Variants in TMEM184B observed in about 807,000 individuals in gnomAD.
TMEM184B encodes the protein transmembrane protein 184B.
In TMEM184B, 17 loss-of-function variants were observed where a neutral mutation model predicts 41.8. The observed-to-expected ratio is 0.41, with a 90% confidence interval of 0.28 to 0.61. The LOEUF is 0.61. Among genes scored for constraint, TMEM184B ranks in the 20% least tolerant of loss-of-function variants. The pLI is 0.34. For synonymous variants in TMEM184B, 240 were observed against 229.5 expected (o/e 1.05, Z -0.41); for missense variants, 393 against 557.8 (o/e 0.70, Z 2.98).
intron 1 of TMEM184B, among the ~76,000 whole-genome samples, chr22:38,251,894 C>T (rs796268129): frequency 1.5e-5 from 2 of 134,692 alleles, no homozygotes; most frequent in African/African-American, 7.1e-5. Context: ...CCAGATGATG[C>T]TGTTTTTTTT....
In TMEM184B at chr22:38,247,773, G is replaced by A. The variant is rs1417707771; in HGVS notation, c.189C>T (p.His63=). ...FVWTALLITC[H]QIYMHLRCYS... ...GCCCCTTGCCAGGCTTGGGTACCTG[G>A]TGGCATGTGATGAGCAGGGCCGTCC... is the stretch of plus-strand genomic sequence containing the variant. The change falls in exon 2 of 9, where the codon CAC becomes CAT. Residue 63 remains histidine, a synonymous_variant. Transcript: ENST00000361906. 6.2e-7 allele frequency: 1 copy of A among 1,610,972 alleles called. No individual in the cohort carries two copies.
chr22:38,272,729 G>A (rs2092544078), intron 1 of TMEM184B, 155 bp downstream of exon 1: 13 of 985,226 alleles, frequency 1.3e-5, no homozygotes, highest in South Asian at 4.7e-5. Flanking sequence ...TCCCTCCGCG[G>A]CCGCACCGGC....
intron 3 of TMEM184B, among the ~76,000 whole-genome samples, chr22:38,232,733 A>G (rs2267376): frequency 0.33 from 49,487 of 151,894 alleles, 8,226 homozygotes; most frequent in Admixed American, 0.38. Flanking sequence ...TGATCTTTCA[A>G]TGGGTGACCT....
At chr22:38,245,514 G>A (rs1394698316) in intron 3 of TMEM184B, among the ~76,000 whole-genome samples, 2 of 146,964 alleles carry the variant, frequency 1.4e-5, no homozygotes, top group Non-Finnish European at 3.0e-5. Context: ...TGTCTGAGAC[G>A]CCAGCACTAA....
chr22:38,237,588 G>A (rs1053766473), intron 3 of TMEM184B, among the ~76,000 whole-genome samples: 4 of 152,230 alleles, frequency 2.6e-5, no homozygotes, highest in African/African-American at 9.7e-5. Flanking sequence ...GGATGAGCCT[G>A]GAAAAGTTAA....
chr22:38,240,192 A>G (rs1017473607), intron 3 of TMEM184B, among the ~76,000 whole-genome samples: 7 of 152,178 alleles, frequency 4.6e-5, no homozygotes, highest in Non-Finnish European at 1.0e-4. Context: ...AACAGAAGAA[A>G]GGAATTCAAG....
chr22:38,239,786 C>T lies in TMEM184B; in HGVS notation c.358+6149G>A, dbSNP rs2091863460. 6.6e-6 allele frequency among the ~76,000 whole-genome samples: 1 copy of T among 152,156 alleles called. No individual in the cohort carries two copies. ...CTGCCACGCTGTACCAGTCACTCAG[C>T]CTGTGCAGTGTTTTGAGGCAGGAGA... On this transcript the variant is annotated intron_variant, in intron 3 of 8. Transcript: ENST00000361906. The surrounding 1 kb of genome is among the most constrained non-coding windows in gnomAD (Gnocchi z 4.6).
intron 1 of TMEM184B, among the ~76,000 whole-genome samples, chr22:38,257,922 A>G (rs770106444): frequency 2.0e-5 from 3 of 152,140 alleles, no homozygotes; most frequent in Admixed American, 6.6e-5. Flanking sequence ...CTCCTCTGCA[A>G]TCTCTCTGCC....
Position 38,226,925 on chromosome 22 carries a change from C to T in TMEM184B, c.526-55G>A. On this transcript the variant is annotated intron_variant, in intron 5 of 8. Transcript: ENST00000361906. This position sits in a 1 kb window ranked among gnomAD's most constrained non-coding sequence, Gnocchi z 4.6. ...GAGGAGGAGCACAGAAGGCATGAAGCAAGCCCTGCCTCTGGCAGACGGAAC... is the reference window on the plus strand; with the variant it reads ...GAGGAGGAGCACAGAAGGCATGAAGTAAGCCCTGCCTCTGGCAGACGGAAC... 1.3e-6 allele frequency: 2 copies of T among 1,521,274 alleles called. No homozygotes were observed. The highest frequency in any genetic ancestry group is 1.8e-6 in the Non-Finnish European group (2 of 1,119,870). The allele number at this position is 1,521,274 out of a possible 1,614,324, so 94.2% of individuals were successfully genotyped here.
chr22:38,245,910 C>CAA, intron 3 of TMEM184B, 25 bp downstream of exon 3: 1 of 1,568,194 alleles, frequency 6.4e-7, no homozygotes, highest in Non-Finnish European at 8.7e-7. Flanking sequence ...CCCGCCAGCC[C>CAA]TCCCCACTCC....
At chr22:38,246,224 TCA>T in intron 2 of TMEM184B, 124 bp from the exon 3 acceptor site, 1 of 1,206,948 alleles carries the variant, frequency 8.3e-7, no homozygotes, top group African/African-American at 1.5e-5. Context: ...CCCCTGAGCC[TCA>T]GAGCCCTGCT....
Position 38,266,037 on chromosome 22 carries a change from G to A in TMEM184B, c.-59+6847C>T, listed in dbSNP as rs150000083. Reference sequence around the variant, plus strand: ...GTACCAAGCTCCACACACGTCCCTTGGAGTAGGGGGGCTGTCTGATCTGAA... The same window carrying A: ...GTACCAAGCTCCACACACGTCCCTTAGAGTAGGGGGGCTGTCTGATCTGAA... On this transcript the variant is annotated intron_variant, in intron 1 of 8. Coordinates refer to ENST00000361906, the MANE Select transcript of TMEM184B (RefSeq NM_012264.5). Among the ~76,000 whole-genome samples, 151 of 152,322 alleles carry A rather than the reference G, an allele frequency of 9.9e-4. 2 individuals carry two copies. The highest frequency in any genetic ancestry group is 3.5e-3 in the African/African-American group (144 of 41,564).
At position 38,239,828 on chromosome 22, in the gene TMEM184B, A is replaced by G. The variant is rs1335779646; in HGVS notation, c.358+6107T>C. On this transcript the variant is annotated intron_variant, in intron 3 of 8. Transcript: ENST00000361906. The surrounding 1 kb of genome is among the most constrained non-coding windows in gnomAD (Gnocchi z 4.6). ...GGCAGGAGATGAAAAATTATTCTCTACAGAAACAGGTCCCAGAATTTAAAA... is the reference window on the plus strand; with the variant it reads ...GGCAGGAGATGAAAAATTATTCTCTGCAGAAACAGGTCCCAGAATTTAAAA... 6.6e-6 allele frequency among the ~76,000 whole-genome samples: 1 copy of G among 152,196 alleles called. No individual in the cohort carries two copies. Among genetic ancestry groups the G allele is most frequent in the Non-Finnish European group, 1.5e-5 (1 of 68,030 alleles).
chr22:38,269,506 G>A (rs1569061511), intron 1 of TMEM184B, among the ~76,000 whole-genome samples: 1 of 151,982 alleles, frequency 6.6e-6, no homozygotes, highest in Non-Finnish European at 1.5e-5. Context: ...GAGCCACCAC[G>A]CCCAGCCTAA....
At chr22:38,272,552 A>C (rs926422434) in intron 1 of TMEM184B, 1 of 985,604 alleles carries the variant, frequency 1.0e-6, no homozygotes, top group Non-Finnish European at 1.2e-6. Flanking sequence ...TCCCTCTTGC[A>C]AAGCGCCTTG....
chr22:38,224,379 G>T (rs951308960), intron 8 of TMEM184B, among the ~76,000 whole-genome samples: 2 of 152,208 alleles, frequency 1.3e-5, no homozygotes, highest in Non-Finnish European at 2.9e-5. Flanking sequence ...CTCCCAAAGT[G>T]CTGGGATTAT....
In TMEM184B at chr22:38,225,371, G is replaced by A. The variant is rs950954332; in HGVS notation, c.787+53C>T. ...CCATAAGCAGAAGGGGCAGCAGGAAGCGCAGAGGACAGGGTGGCATGGGCA... is the reference window on the plus strand; with the variant it reads ...CCATAAGCAGAAGGGGCAGCAGGAAACGCAGAGGACAGGGTGGCATGGGCA... On this transcript the variant is annotated intron_variant, in intron 7 of 8. Coordinates refer to ENST00000361906, the MANE Select transcript of TMEM184B (RefSeq NM_012264.5). The surrounding 1 kb of genome is among the most constrained non-coding windows in gnomAD (Gnocchi z 4.4). 1 of 1,507,082 alleles carries A rather than the reference G, an allele frequency of 6.6e-7. No homozygotes were observed. The highest frequency in any genetic ancestry group is 8.9e-7 in the Non-Finnish European group (1 of 1,129,782). The allele number at this position is 1,507,082 out of a possible 1,614,324, so 93.4% of individuals were successfully genotyped here.
intron 1 of TMEM184B, among the ~76,000 whole-genome samples, chr22:38,267,837 C>G (rs1212125886): frequency 2.0e-5 from 3 of 152,206 alleles, no homozygotes; most frequent in Non-Finnish European, 4.4e-5. Context: ...TCACTACCTA[C>G]TGTGTACATT....
chr22:38,265,690 TATTA>T (rs893598205), intron 1 of TMEM184B, among the ~76,000 whole-genome samples: 1 of 152,244 alleles, frequency 6.6e-6, no homozygotes, highest in Non-Finnish European at 1.5e-5. Context: ...AGCATGTTAA[TATTA>T]ATTAATATCC....
Sources: allele counts gnomAD v4.1 joint callset (sites outside exome capture counted in the v4.1 genomes callset), GRCh38; gene constraint gnomAD v4.1.1; non-coding constraint Gnocchi (gnomAD v3.1); transcripts MANE v1.5; gene names NCBI Gene and HGNC (gene_info 2026-07-23, HGNC 2026-07-21).